OTOGL: variants seen among roughly 807,000 people sequenced by gnomAD.
OTOGL encodes otogelin like.
OTOGL carries 285 observed loss-of-function variants against 318.5 expected under a neutral mutation model. The observed-to-expected ratio is 0.89, with a 90% CI of 0.81 to 0.99. OTOGL has a LOEUF of 0.99. Ranked by LOEUF, OTOGL falls within the 50% of genes least tolerant of loss-of-function variation. The pLI, the probability that OTOGL is intolerant of heterozygous loss-of-function variation, is 0.00. For missense variants in OTOGL, 2,899 were observed against 2,845.6 expected (o/e 1.02, Z -0.43); for synonymous variants, 987 against 936.5 (o/e 1.05, Z -0.99).
At chr12:80,208,137 A>C (rs946457577) in intron 1 of OTOGL, 4 of 487,144 alleles carry the variant, frequency 8.2e-6, no homozygotes, top group Non-Finnish European at 1.6e-5. Context: ...ATGTATTTTC[A>C]TGCTTAAGCT....
chr12:80,307,929 C>T (rs1489807174), intron 29 of OTOGL, among the ~76,000 whole-genome samples: 6 of 139,372 alleles, frequency 4.3e-5, no homozygotes, highest in Admixed American at 6.8e-5. Context: ...GCTGACCCCC[C>T]CACCTCCCTC....
At chr12:80,262,292 TA>T (rs1174535010) in intron 19 of OTOGL, among the ~76,000 whole-genome samples, 199 bp downstream of exon 19, 1 of 152,156 alleles carries the variant, frequency 6.6e-6, no homozygotes, top group Non-Finnish European at 1.5e-5. Flanking sequence ...GGTTGTTTTT[TA>T]AAAACCTGAC....
At chr12:80,270,785 C>T (rs539980947) in intron 23 of OTOGL, among the ~76,000 whole-genome samples, 2 of 151,914 alleles carry the variant, frequency 1.3e-5, no homozygotes, top group Non-Finnish European at 2.9e-5. Flanking sequence ...GTATTAGGAC[C>T]ATATATATTA....
intron 1 of OTOGL, among the ~76,000 whole-genome samples, chr12:80,200,559 A>G (rs1286764744): frequency 6.6e-6 from 1 of 152,198 alleles, no homozygotes. Context: ...GGGAGATGTC[A>G]TTTTACAAGC....
intron 1 of OTOGL, chr12:80,103,413 T>C (rs1869263528): frequency 8.7e-6 from 6 of 688,790 alleles, no homozygotes; most frequent in Non-Finnish European, 1.5e-5. Context: ...TGGCATCTTC[T>C]CACTTGCTGT....
At chr12:80,198,391 C>T (rs1876228498) in intron 1 of OTOGL, among the ~76,000 whole-genome samples, 3 of 152,110 alleles carry the variant, frequency 2.0e-5, no homozygotes, top group South Asian at 4.1e-4. Context: ...TTGAGACCAT[C>T]CTGGCCAACA....
intron 1 of OTOGL, among the ~76,000 whole-genome samples, chr12:80,206,048 T>C (rs1876784602): frequency 6.6e-6 from 1 of 152,332 alleles, no homozygotes; most frequent in African/African-American, 2.4e-5. Context: ...GCTTGTATTA[T>C]GTAGTTGTCT....
chr12:80,298,305 T>G (rs149758546), intron 27 of OTOGL, among the ~76,000 whole-genome samples: 11 of 152,154 alleles, frequency 7.2e-5, no homozygotes, highest in Non-Finnish European at 1.5e-5. Flanking sequence ...TTAGGGTGAT[T>G]GTTAAGAGCA....
intron 1 of OTOGL, among the ~76,000 whole-genome samples, chr12:80,135,280 C>CTTCCT (rs1871492091): frequency 7.4e-6 from 1 of 135,850 alleles, no homozygotes; most frequent in Non-Finnish European, 1.6e-5. Flanking sequence ...CTCCCCTCCC[C>CTTCCT]TTCCCTTCCC....
intron 1 of OTOGL, among the ~76,000 whole-genome samples, chr12:80,181,600 G>A (rs1161963841): frequency 6.6e-6 from 1 of 152,018 alleles, no homozygotes; most frequent in African/African-American, 2.4e-5. Context: ...GAGTATCATA[G>A]GTGTTTTCTA....
At chr12:80,343,129 T>TC (rs746447289) in intron 44 of OTOGL, among the ~76,000 whole-genome samples, 58 of 152,204 alleles carry the variant, frequency 3.8e-4, no homozygotes, top group Middle Eastern at 3.4e-3. Context: ...CACCTCAGCC[T>TC]CCCAAAGTGC....
At chr12:80,335,315 A>T (rs971886397) in intron 38 of OTOGL, among the ~76,000 whole-genome samples, 2 of 152,102 alleles carry the variant, frequency 1.3e-5, no homozygotes, top group African/African-American at 4.8e-5. Flanking sequence ...ATATGAAATA[A>T]TAGTATCTAC....
rs56337728 is a variant in OTOGL at position 80,299,734 on chromosome 12, C to T, written c.3063+2773C>T. Among the ~76,000 whole-genome samples the T allele has an allele frequency of 7.5e-3, 1,133 of 152,004 alleles. 19 individuals are homozygous for T. Among genetic ancestry groups the T allele is most frequent in the African/African-American group, 0.026 (1,065 of 41,478 alleles). On this transcript the variant is annotated intron_variant, in intron 27 of 58. Transcript: ENST00000547103. Reference sequence around the variant, plus strand: ...GCTGTACTTTAAATATTTTAATTCTCCATAGTTCTAACATATCTTGCTAAC... The same window carrying T: ...GCTGTACTTTAAATATTTTAATTCTTCATAGTTCTAACATATCTTGCTAAC...
At chr12:80,146,498 A>G (rs1187141246) in intron 1 of OTOGL, among the ~76,000 whole-genome samples, 2 of 151,806 alleles carry the variant, frequency 1.3e-5, no homozygotes, top group Non-Finnish European at 2.9e-5. Context: ...ATATTCATCA[A>G]GGATATTGGT....
At position 80,158,882 on chromosome 12, in the gene OTOGL, G is replaced by C. The variant is rs1159621163; in HGVS notation, c.-19-50531G>C. Reference sequence around the variant, plus strand: ...TTCCAGTACTGTGTTGAATAGACGGGGTGAGAGTGGGCATCCTTATCCTGT... The same window carrying C: ...TTCCAGTACTGTGTTGAATAGACGGCGTGAGAGTGGGCATCCTTATCCTGT... On this transcript the variant is annotated intron_variant, in intron 1 of 58. Coordinates refer to ENST00000547103, the MANE Select transcript of OTOGL (RefSeq NM_001378609.3). Among the ~76,000 whole-genome samples, 3 of 152,020 alleles carry C rather than the reference G, an allele frequency of 2.0e-5. No homozygotes were observed. In the East Asian group the frequency reaches 5.8e-4, roughly 29 times the overall value.
intron 24 of OTOGL, among the ~76,000 whole-genome samples, chr12:80,277,632 A>G (rs997560641): frequency 1.1e-4 from 16 of 151,486 alleles, no homozygotes; most frequent in African/African-American, 3.6e-4. Context: ...AATAAATAAG[A>G]AACAATGTGA....
chr12:80,355,435 G>A (rs951550889), intron 46 of OTOGL, among the ~76,000 whole-genome samples: 7 of 151,644 alleles, frequency 4.6e-5, no homozygotes, highest in African/African-American at 7.3e-5. Context: ...TGTTGCCCAG[G>A]CTAGTCTCAA....
chr12:80,220,748 C>T (rs1232704171), intron 6 of OTOGL, among the ~76,000 whole-genome samples: 4 of 123,846 alleles, frequency 3.2e-5, no homozygotes, highest in African/African-American at 9.4e-5. Flanking sequence ...GGGGATGCAA[C>T]GGTGAATAAT....
chr12:80,267,284 G>A lies in OTOGL; in HGVS notation c.2422G>A (p.Val808Ile). 1.3e-6 allele frequency: 2 copies of A among 1,566,274 alleles called. No homozygotes were observed. Among genetic ancestry groups the A allele is most frequent in the East Asian group, 2.3e-5 (1 of 43,832 alleles). Residue 808 changes from valine (V) to isoleucine (I), a missense_variant, in exon 22 of 59, where the codon GTT (valine) becomes ATT (isoleucine). Val to Ile is a conservative substitution (Grantham distance 29). This residue lies in a region of OTOGL where 2,607 missense variants were observed against 2,524.9 expected (regional missense o/e 1.03). Transcript: ENST00000547103. Reference protein sequence around the residue: ...FHCRCHYRGSVYQPGELIPTP... With the variant: ...FHCRCHYRGSIYQPGELIPTP... ...CTGCCGTTGTCATTATAGGGGCAGT[G>A]TTTATCAACCTGGAGAGCTCATCCC...
Sources: gnomAD v4.1 joint callset for allele counts (sites outside exome capture counted in the v4.1 genomes callset) on GRCh38, gnomAD v4.1.1 for gene constraint, gnomAD v4.1.1 regional missense constraint, MANE v1.5 for transcripts, NCBI Gene and HGNC (gene_info 2026-07-23, HGNC 2026-07-21) for gene names.